Variants in KDM4A observed in about 807,000 individuals in gnomAD.
KDM4A encodes lysine-specific demethylase 4A.
KDM4A carries 23 observed loss-of-function variants against 127.1 expected under a neutral mutation model. The observed-to-expected ratio is 0.18, with a 90% CI of 0.13 to 0.26. The LOEUF (loss-of-function observed/expected upper bound fraction) is 0.26, where lower values mean the gene tolerates loss of function less well. KDM4A is among the 10% of genes least tolerant of loss of function. KDM4A has a pLI of 1.00. For synonymous variants in KDM4A, 443 were observed against 466.5 expected (o/e 0.95, Z 0.65); for missense variants, 890 against 1,329.1 (o/e 0.67, Z 5.14).
chr1:43,681,117 A>T (rs1291918517), intron 11 of KDM4A, among the ~76,000 whole-genome samples: 1 of 152,046 alleles, frequency 6.6e-6, no homozygotes, highest in African/African-American at 2.4e-5. Flanking sequence ...TTAGTTTCTT[A>T]TTCTTTGTCC....
In KDM4A at chr1:43,694,515, C is replaced by CAAA. The variant is rs35419389; in HGVS notation, c.2485-177_2485-175dup. 1.0e-4 allele frequency among the ~76,000 whole-genome samples: 11 copies of CAAA among 107,336 alleles called. No homozygotes were observed. The highest frequency in any genetic ancestry group is 3.8e-4 in the African/African-American group (11 of 28,728). 70.4% of individuals were successfully genotyped at this position (107,336 alleles called of 152,430 possible). ...TGGGTGACAGAGCAAGACTCCGTCT[C>CAAA]AAAAAAAAAAAAAAAAAAATTTCCT... On this transcript the variant is annotated intron_variant, in intron 17 of 21. Transcript: ENST00000372396. This position sits in a 1 kb window ranked among gnomAD's most constrained non-coding sequence, Gnocchi z 5.2.
chr1:43,654,205 A>G (rs2154046248), intron 2 of KDM4A, among the ~76,000 whole-genome samples: 1 of 152,308 alleles, frequency 6.6e-6, no homozygotes. Context: ...TTTTGGTTGT[A>G]CTTTATTAGA....
Position 43,703,723 on chromosome 1 carries a change from T to C in KDM4A, c.2948T>C (p.Ile983Thr). ...GCCAAGTTTGTGGCCTCCCACCCTA[T>C]CCAAATGTACCAGGTATCCAAAGTT... ...YGAKFVASHPIQMYQVEFEDG... is the reference protein window; with the variant it reads ...YGAKFVASHPTQMYQVEFEDG... Residue 983 changes from isoleucine (I) to threonine (T), a missense_variant, in exon 20 of 22, where the codon ATC becomes ACC. Ile to Thr is a moderately conservative substitution (Grantham distance 89). This residue lies in a region of KDM4A where 246 missense variants were observed against 418.4 expected (regional missense o/e 0.59). Coordinates refer to ENST00000372396, the MANE Select transcript of KDM4A (RefSeq NM_014663.3). The C allele has an allele frequency of 6.2e-7, 1 of 1,614,088 alleles. No homozygotes were observed. The highest frequency in any genetic ancestry group is 8.5e-7 in the Non-Finnish European group (1 of 1,179,996).
intron 6 of KDM4A, 55 bp from the exon 7 acceptor site, chr1:43,666,397 G>A: frequency 7.1e-7 from 1 of 1,405,778 alleles, no homozygotes; most frequent in Non-Finnish European, 1.0e-6. Flanking sequence ...GTGACTCCAG[G>A]ATTGCGGAGC....
At chr1:43,703,930 C>T in intron 20 of KDM4A, 90 bp from the exon 21 acceptor site, 1 of 1,342,894 alleles carries the variant, frequency 7.4e-7, no homozygotes, top group East Asian at 2.3e-5. Flanking sequence ...CTAACTCCTT[C>T]CTTTGACTGT....
chr1:43,652,683 T>TTTC (rs1557900901), intron 1 of KDM4A, among the ~76,000 whole-genome samples: 17 of 135,402 alleles, frequency 1.3e-4, no homozygotes, highest in African/African-American at 3.8e-4. Context: ...TTCTTTCTTT[T>TTTC]TTTTTTTTTT....
In KDM4A at chr1:43,703,733, C is replaced by T; in HGVS notation, c.2958C>T (p.Tyr986=). 3.7e-6 allele frequency: 6 copies of T among 1,614,074 alleles called. No individual in the cohort carries two copies. Among genetic ancestry groups the T allele is most frequent in the Non-Finnish European group, 5.1e-6 (6 of 1,179,972 alleles). The change falls in exon 20 of 22, where the codon TAC becomes TAT. Residue 986 remains tyrosine (Y), a synonymous_variant. Transcript: ENST00000372396. ...TGGCCTCCCACCCTATCCAAATGTA[C>T]CAGGTATCCAAAGTTCTACCTTTCT... ...KFVASHPIQM[Y]QVEFEDGSQL...
At chr1:43,664,448 G>A (rs948071035) in intron 5 of KDM4A, among the ~76,000 whole-genome samples, 12 of 152,238 alleles carry the variant, frequency 7.9e-5, no homozygotes, top group African/African-American at 2.9e-4. Context: ...GGGAGCTAGG[G>A]GGAGTCTGCT....
rs1250841586 is a variant in KDM4A, at chr1:43,666,943, C to T, written c.778-11C>T. The T allele has an allele frequency of 6.2e-7, 1 of 1,613,810 alleles. No individual in the cohort carries two copies. Among genetic ancestry groups the T allele is most frequent in the East Asian group, 2.2e-5 (1 of 44,878 alleles). On this transcript the variant is annotated splice_polypyrimidine_tract_variant and intron_variant, in intron 7 of 21. Transcript: ENST00000372396. ...ATTTGAAGCAGCTGCTTCAAGTCTG[C>T]TCTTGTTCAGGTGACTCAAGAGGCT... is the stretch of plus-strand genomic sequence containing the variant.
intron 13 of KDM4A, 23 bp downstream of exon 13, chr1:43,689,118 G>C: frequency 6.2e-7 from 1 of 1,609,220 alleles, no homozygotes; most frequent in Non-Finnish European, 8.5e-7. Context: ...CATGCACTCT[G>C]TTTACCCAGG....
intron 11 of KDM4A, among the ~76,000 whole-genome samples, chr1:43,677,523 G>A (rs1341787715): frequency 6.6e-6 from 1 of 152,076 alleles, no homozygotes; most frequent in East Asian, 1.9e-4. Flanking sequence ...ATTAAATCAA[G>A]GCCCACACCT....
chr1:43,672,611 C>T (rs1318573732), intron 11 of KDM4A, among the ~76,000 whole-genome samples: 1 of 152,046 alleles, frequency 6.6e-6, no homozygotes, highest in Non-Finnish European at 1.5e-5. Flanking sequence ...TCTCCTGCCT[C>T]AGCCTCCCGA....
chr1:43,682,481 T>C (rs961466377), intron 11 of KDM4A, among the ~76,000 whole-genome samples: 1 of 152,196 alleles, frequency 6.6e-6, no homozygotes, highest in African/African-American at 2.4e-5. Context: ...GTCCCTGATA[T>C]CCTCACTCCA....
rs1181018192 is a variant in KDM4A at position 43,650,219 on chromosome 1, T to A, written c.-73T>A. The A allele has an allele frequency of 6.6e-6, 1 of 151,922 alleles. No homozygotes were observed. Among genetic ancestry groups the A allele is most frequent in the African/African-American group, 2.4e-5 (1 of 41,308 alleles). The allele number at this position is 151,922 out of a possible 1,614,324, so 9.4% of individuals were successfully genotyped here. ...ATCGGCCAGTGGCGACAGCAGGAGC[T>A]GAGCCTAAGCCCTGGCGGGGCTTTG... On this transcript the variant is annotated 5_prime_UTR_variant, in exon 1 of 22. Coordinates refer to ENST00000372396, the MANE Select transcript of KDM4A (RefSeq NM_014663.3).
chr1:43,697,397 C>T (rs1347394625), intron 18 of KDM4A, among the ~76,000 whole-genome samples: 1 of 152,214 alleles, frequency 6.6e-6, no homozygotes, highest in Non-Finnish European at 1.5e-5. Flanking sequence ...TCTGGGAAAC[C>T]TAAGTCTTTG....
chr1:43,665,331 A>T (rs1660476309), intron 5 of KDM4A, among the ~76,000 whole-genome samples: 2 of 151,938 alleles, frequency 1.3e-5, no homozygotes, highest in South Asian at 4.2e-4. Context: ...AATACTGAGC[A>T]TTTTTAAATA....
chr1:43,684,999 G>C (rs1239768100), intron 12 of KDM4A, among the ~76,000 whole-genome samples: 2 of 152,108 alleles, frequency 1.3e-5, no homozygotes, highest in East Asian at 3.9e-4. Context: ...AGCTTTGGTT[G>C]GGGAAACCTG....
chr1:43,698,437 C>T (rs2154049119), intron 19 of KDM4A, among the ~76,000 whole-genome samples: 1 of 152,300 alleles, frequency 6.6e-6, no homozygotes, highest in African/African-American at 2.4e-5. Context: ...CTGCTTTTGT[C>T]TCTTCACAGT....
chr1:43,667,154 C>G (rs1236393314), intron 8 of KDM4A, 63 bp downstream of exon 8: 16 of 1,576,822 alleles, frequency 1.0e-5, no homozygotes, highest in African/African-American at 9.5e-5. Flanking sequence ...TGGTTAGATA[C>G]GTTGGCTGGT....
Sources: allele counts gnomAD v4.1 joint callset (sites outside exome capture counted in the v4.1 genomes callset), GRCh38; gene constraint gnomAD v4.1.1; regional missense constraint gnomAD v4.1.1; non-coding constraint Gnocchi (gnomAD v3.1); transcripts MANE v1.5; gene names NCBI Gene and HGNC (gene_info 2026-07-23, HGNC 2026-07-21).